RARB: variants seen among roughly 807,000 people sequenced by gnomAD.
The protein encoded by RARB is HBV-activated protein.
Under a neutral mutation model 51.9 loss-of-function variants are expected in RARB, and 17 were observed. That is an observed-to-expected ratio of 0.33 (90% CI 0.22 to 0.49). The LOEUF (loss-of-function observed/expected upper bound fraction) is 0.49, where lower values mean the gene tolerates loss of function less well. RARB is among the 20% of genes least tolerant of loss of function. The pLI is 0.99. For missense variants in RARB, 369 were observed against 550.8 expected (o/e 0.67, Z 3.30); for synonymous variants, 215 against 195.4 (o/e 1.10, Z -0.84).
At chr3:25,456,783 G>A (rs905395613) in intron 1 of RARB, among the ~76,000 whole-genome samples, 13 of 148,696 alleles carry the variant, frequency 8.7e-5, no homozygotes, top group Non-Finnish European at 4.5e-5. Context: ...TTTGGGGATC[G>A]TACATAACGT....
intron 2 of RARB, among the ~76,000 whole-genome samples, chr3:25,490,791 C>G (rs775028821): frequency 2.6e-5 from 4 of 151,852 alleles, no homozygotes; most frequent in Admixed American, 6.6e-5. Context: ...GATAATAGAT[C>G]GGTAACTATG....
At chr3:24,961,377 T>G (rs561958955) in intron 2 of RARB, among the ~76,000 whole-genome samples, 16 of 152,324 alleles carry the variant, frequency 1.1e-4, no homozygotes, top group African/African-American at 3.4e-4. Flanking sequence ...CACTGAAATC[T>G]CCCTAACAGA....
intron 2 of RARB, among the ~76,000 whole-genome samples, chr3:25,035,007 C>T (rs1483124824): frequency 6.6e-6 from 1 of 152,144 alleles, no homozygotes; most frequent in African/African-American, 2.4e-5. Context: ...TTTATCATTC[C>T]ACATGTGATA....
intron 2 of RARB, among the ~76,000 whole-genome samples, chr3:24,936,299 C>A (rs1185488821): frequency 6.6e-6 from 1 of 152,008 alleles, no homozygotes; most frequent in African/African-American, 2.4e-5. Flanking sequence ...GAAGAGTTTT[C>A]TAAATTTTAC....
chr3:25,127,156 A>G (rs1245173548), intron 3 of RARB, among the ~76,000 whole-genome samples: 3 of 152,100 alleles, frequency 2.0e-5, no homozygotes, highest in Non-Finnish European at 4.4e-5. Context: ...AAACTGAACT[A>G]TGTCACACTC....
chr3:24,994,045 G>A (rs2125436901), intron 2 of RARB, among the ~76,000 whole-genome samples: 1 of 152,238 alleles, frequency 6.6e-6, no homozygotes, highest in South Asian at 2.1e-4. Flanking sequence ...TGGGGCATAT[G>A]GTGGTTCTAT....
chr3:24,949,452 A>G (rs1227842875), intron 2 of RARB, among the ~76,000 whole-genome samples: 1 of 152,220 alleles, frequency 6.6e-6, no homozygotes, highest in Non-Finnish European at 1.5e-5. Flanking sequence ...GGAAAGGGAA[A>G]TTGTTAAAAT....
chr3:25,001,601 C>T (rs1220577768), intron 2 of RARB, among the ~76,000 whole-genome samples: 1 of 152,284 alleles, frequency 6.6e-6, no homozygotes, highest in African/African-American at 2.4e-5. Flanking sequence ...CTCTTAGCCA[C>T]GTGGCACCAC....
At chr3:24,917,993 G>A (rs538367112) in intron 2 of RARB, among the ~76,000 whole-genome samples, 69 of 152,260 alleles carry the variant, frequency 4.5e-4, no homozygotes, top group African/African-American at 1.5e-3. Flanking sequence ...ACAATTTGTC[G>A]GTTTTCTGAA....
chr3:24,853,645 AG>A (rs139577386), intron 1 of RARB, among the ~76,000 whole-genome samples: 1,814 of 152,362 alleles, frequency 0.012, 29 homozygotes, highest in African/African-American at 0.038. Flanking sequence ...ATGAGTAAAA[AG>A]AGATTTGTAA....
chr3:25,376,381 A>G (rs573457724), intron 5 of RARB, among the ~76,000 whole-genome samples: 2 of 152,288 alleles, frequency 1.3e-5, no homozygotes, highest in East Asian at 1.9e-4. Context: ...ATCTTTTGTT[A>G]ACGTAGTATA....
At chr3:25,152,406 C>T (rs531645841) in intron 4 of RARB, among the ~76,000 whole-genome samples, 1 of 152,126 alleles carries the variant, frequency 6.6e-6, no homozygotes, top group South Asian at 2.1e-4. Flanking sequence ...TTCTTGGGTC[C>T]AAAGAGGGTT....
chr3:24,919,196 G>T (rs1695166807), intron 2 of RARB, among the ~76,000 whole-genome samples: 1 of 152,126 alleles, frequency 6.6e-6, no homozygotes, highest in Non-Finnish European at 1.5e-5. Flanking sequence ...TGATCTAGAG[G>T]CATTGACCAT....
At chr3:25,536,459 C>G (rs756069150) in intron 3 of RARB, among the ~76,000 whole-genome samples, 5 of 152,108 alleles carry the variant, frequency 3.3e-5, no homozygotes, top group Non-Finnish European at 7.3e-5. Context: ...CATAAGCTAG[C>G]TTACAGTAAA....
At chr3:24,970,195 T>C (rs1173201688) in intron 2 of RARB, among the ~76,000 whole-genome samples, 1 of 152,112 alleles carries the variant, frequency 6.6e-6, no homozygotes, top group Non-Finnish European at 1.5e-5. Flanking sequence ...ATTTGGCCTA[T>C]GGCTGTAGCT....
chr3:24,965,692 A>G (rs1408017436), intron 2 of RARB, among the ~76,000 whole-genome samples: 2 of 152,186 alleles, frequency 1.3e-5, no homozygotes, highest in Admixed American at 6.5e-5. Flanking sequence ...AAATGAAATA[A>G]TACACATGAA....
At chr3:25,115,145 A>C (rs956785512) in intron 3 of RARB, among the ~76,000 whole-genome samples, 4 of 152,180 alleles carry the variant, frequency 2.6e-5, no homozygotes, top group African/African-American at 9.7e-5. Flanking sequence ...GTCACCACTG[A>C]GTGCTAGCTC....
intron 2 of RARB, among the ~76,000 whole-genome samples, chr3:25,035,395 T>TA (rs1697969480): frequency 6.7e-6 from 1 of 150,112 alleles, no homozygotes; most frequent in Admixed American, 6.6e-5. Context: ...GTGCTGGAAT[T>TA]ACAGTTGTGA....
chr3:24,953,062 CT>C (rs1247102842), intron 2 of RARB, among the ~76,000 whole-genome samples: 1 of 152,060 alleles, frequency 6.6e-6, no homozygotes, highest in African/African-American at 2.4e-5. Flanking sequence ...CTCCATTTAG[CT>C]GTTATATCTT....
Sources: allele counts gnomAD v4.1 joint callset (sites outside exome capture counted in the v4.1 genomes callset), GRCh38; gene constraint gnomAD v4.1.1; transcripts MANE v1.5; gene names NCBI Gene and HGNC (gene_info 2026-07-23, HGNC 2026-07-21).